The following HMGCS1 variants were observed in gnomAD, a reference collection of about 807,000 sequenced individuals.
The protein encoded by HMGCS1 is 3-hydroxy-3-methylglutaryl-CoA synthase 1.
In HMGCS1, 9 loss-of-function variants were observed where a neutral mutation model predicts 52.3. The ratio of observed to expected loss-of-function variants is 0.17; its 90% CI spans 0.10 to 0.30. HMGCS1 has a LOEUF of 0.30. Among genes scored for constraint, HMGCS1 ranks in the 10% least tolerant of loss-of-function variants. The pLI, the probability that HMGCS1 is intolerant of heterozygous loss-of-function variation, is 1.00. For missense variants in HMGCS1, 320 were observed against 620.9 expected (o/e 0.52, Z 5.15); for synonymous variants, 176 against 214.4 (o/e 0.82, Z 1.57).
At chr5:43,293,167 TTGAG>T (rs1753861733) in intron 8 of HMGCS1, among the ~76,000 whole-genome samples, 194 bp from the exon 9 acceptor site, 1 of 152,224 alleles carries the variant, frequency 6.6e-6, no homozygotes, top group Non-Finnish European at 1.5e-5. Context: ...AAATCTATTA[TTGAG>T]TATCTGCCAC....
chr5:43,305,802 T>C (rs1427118524), intron 2 of HMGCS1, among the ~76,000 whole-genome samples: 2 of 149,206 alleles, frequency 1.3e-5, no homozygotes, highest in African/African-American at 2.5e-5. Context: ...AAAAAAAAAT[T>C]TAAAAAATTT....
intron 1 of HMGCS1, among the ~76,000 whole-genome samples, chr5:43,308,809 CT>C (rs1561126799): frequency 1.3e-5 from 2 of 152,032 alleles, no homozygotes; most frequent in Admixed American, 6.6e-5. Flanking sequence ...TAAAGCTTTA[CT>C]TTTTTTACAT....
chr5:43,306,419 T>TGCCTCTG (rs1367414276), intron 2 of HMGCS1, among the ~76,000 whole-genome samples: 1 of 152,226 alleles, frequency 6.6e-6, no homozygotes, highest in Non-Finnish European at 1.5e-5. Flanking sequence ...AAGTGAGCTC[T>TGCCTCTG]GCCTCTGCTC....
chr5:43,310,961 GT>G (rs1329560363), intron 1 of HMGCS1, among the ~76,000 whole-genome samples: 2 of 152,190 alleles, frequency 1.3e-5, no homozygotes, highest in Admixed American at 1.3e-4. Context: ...CGCTACTGGT[GT>G]AACTACACCC....
chr5:43,298,910 A>C lies in HMGCS1; in HGVS notation c.56T>G (p.Ile19Ser), dbSNP rs1047641009. Reference protein sequence around the residue: ...AEACWPKDVGIVALEIYFPSQ... With the variant: ...AEACWPKDVGSVALEIYFPSQ... The stretch of plus-strand genomic sequence containing the variant: ...AGGAAAATAGATCTCAAGGGCAACA[A>C]TTCCCACATCTTTTGGCCAGCAAGC... The change falls in exon 3 of 11, where the codon ATT (isoleucine) becomes AGT (serine). Residue 19 changes from isoleucine to serine, a missense_variant. Physicochemically the swap from Ile to Ser is moderately radical, Grantham distance 142 (BLOSUM62 -2). This residue lies in a region of HMGCS1 where 22 missense variants were observed against 23.5 expected (regional missense o/e 0.94). Transcript: ENST00000325110. This position sits in a 1 kb window ranked among gnomAD's most constrained non-coding sequence, Gnocchi z 5.6. 2.5e-6 allele frequency: 4 copies of C among 1,614,130 alleles called. No homozygotes were observed.
intron 2 of HMGCS1, among the ~76,000 whole-genome samples, chr5:43,300,060 A>G (rs1231824421): frequency 2.0e-5 from 3 of 152,166 alleles, no homozygotes; most frequent in African/African-American, 7.2e-5. Flanking sequence ...CAGAGACCCA[A>G]AGTCCCACTG....
rs767337830 is a variant in HMGCS1 at position 43,297,218 on chromosome 5, G to A, written c.575-52C>T. 1.9e-5 allele frequency: 28 copies of A among 1,442,490 alleles called. No homozygotes were observed. In the South Asian group the frequency reaches 3.2e-4, roughly 17 times the overall value. 89.4% of individuals were successfully genotyped at this position (1,442,490 alleles called of 1,614,324 possible). A position where few individuals can be genotyped will look rare whatever the true frequency, so the allele number is the denominator to read the frequency against. ...TATATATTTCTGCTTCTTGATGTCT[G>A]TATGTTAATAAGTATACTGCATTAT... On this transcript the variant is annotated intron_variant, in intron 4 of 10. Transcript: ENST00000325110.
intron 2 of HMGCS1, among the ~76,000 whole-genome samples, chr5:43,301,955 T>C (rs1754340353): frequency 6.6e-6 from 1 of 152,226 alleles, no homozygotes; most frequent in African/African-American, 2.4e-5. Context: ...TCCACTTTGT[T>C]CTACTCCACT....
At position 43,292,509 on chromosome 5, in the gene HMGCS1, C is replaced by T. The variant is rs1397860513; in HGVS notation, c.1438G>A (p.Gly480Arg). The change falls in exon 10 of 11, where the codon GGA becomes AGA. Residue 480 changes from glycine (G) to arginine (R), a missense_variant. By Grantham distance (125) the Gly-to-Arg change is moderately radical. This residue lies in a region of HMGCS1 where 213 missense variants were observed against 337.4 expected (regional missense o/e 0.63). Coordinates refer to ENST00000325110, the MANE Select transcript of HMGCS1 (RefSeq NM_001098272.3). ...PTPNDDTLDEGVGLVHSNIAT... is the reference protein window; with the variant it reads ...PTPNDDTLDERVGLVHSNIAT... ...ATGTTTGAATGCACAAGTCCTACTC[C>T]TTCATCCAAAGTGTCATCATTTGGA... 6.2e-7 allele frequency: 1 copy of T among 1,613,838 alleles called. No individual in the cohort carries two copies. Among genetic ancestry groups the T allele is most frequent in the Non-Finnish European group, 8.5e-7 (1 of 1,179,904 alleles).
chr5:43,312,729 A>C (rs1025202340), intron 1 of HMGCS1, among the ~76,000 whole-genome samples: 6 of 152,168 alleles, frequency 3.9e-5, no homozygotes, highest in African/African-American at 1.2e-4. Flanking sequence ...GGCGGGAGGC[A>C]GTGATCTATG....
intron 2 of HMGCS1, among the ~76,000 whole-genome samples, chr5:43,301,764 G>A (rs1754329537): frequency 6.6e-6 from 1 of 152,192 alleles, no homozygotes; most frequent in Admixed American, 6.5e-5. Context: ...TTTACTACAT[G>A]TGGAGCGAAG....
At chr5:43,292,018 G>A (rs561907606) in intron 10 of HMGCS1, among the ~76,000 whole-genome samples, 1 of 110,502 alleles carries the variant, frequency 9.0e-6, no homozygotes, top group East Asian at 2.3e-4. Context: ...TTTTGAGATG[G>A]AATCTTGCTC....
In HMGCS1 at chr5:43,296,354, C is replaced by T. The variant is rs1754031925; in HGVS notation, c.740-437G>A. ...GGTCCTAATAAAAAAGTTAGAAAAC[C>T]ACTATTCTGTTAATATATACTGCAA... On this transcript the variant is annotated intron_variant, in intron 5 of 10. Coordinates refer to ENST00000325110, the MANE Select transcript of HMGCS1 (RefSeq NM_001098272.3). Among the ~76,000 whole-genome samples, 3 of 151,976 alleles carry T rather than the reference C, an allele frequency of 2.0e-5. No homozygotes were observed. The South Asian group carries it at 6.2e-4, about 31-fold the overall frequency.
Position 43,287,770 on chromosome 5 carries a change from C to T in HMGCS1, c.*3361G>A, listed in dbSNP as rs1753561473. 6.6e-6 allele frequency: 1 copy of T among 152,208 alleles called. No homozygotes were observed. The highest frequency in any genetic ancestry group is 2.1e-4 in the South Asian group (1 of 4,828). The allele number at this position is 152,208 out of a possible 1,614,324, so 9.4% of individuals were successfully genotyped here. A position where few individuals can be genotyped will look rare whatever the true frequency, so the allele number is the denominator to read the frequency against. On this transcript the variant is annotated 3_prime_UTR_variant, in exon 11 of 11. Coordinates refer to ENST00000325110, the MANE Select transcript of HMGCS1 (RefSeq NM_001098272.3). Reference sequence around the variant, plus strand: ...GTACCAAACAAGTTCTGCAGACATTCCACGTCAGGGAGGCTGAAGTGAAAG... The same window carrying T: ...GTACCAAACAAGTTCTGCAGACATTTCACGTCAGGGAGGCTGAAGTGAAAG...
Position 43,288,924 on chromosome 5 carries a change from G to T in HMGCS1, c.*2207C>A, listed in dbSNP as rs1753612499. 1 of 152,114 alleles carries T rather than the reference G, an allele frequency of 6.6e-6. No homozygotes were observed. 9.4% of individuals were successfully genotyped at this position (152,114 alleles called of 1,614,324 possible). A position where few individuals can be genotyped will look rare whatever the true frequency, so the allele number is the denominator to read the frequency against. On this transcript the variant is annotated 3_prime_UTR_variant, in exon 11 of 11. Coordinates refer to ENST00000325110, the MANE Select transcript of HMGCS1 (RefSeq NM_001098272.3). ...GGGATTCCTTCTATAAAACCCCTGG[G>T]GATCACTAGCAACATGGGACTTTTA...
At chr5:43,300,900 C>A (rs1754284641) in intron 2 of HMGCS1, among the ~76,000 whole-genome samples, 1 of 151,446 alleles carries the variant, frequency 6.6e-6, no homozygotes, top group Non-Finnish European at 1.5e-5. Context: ...CCAACCAATG[C>A]CAACATGTTA....
chr5:43,301,493 A>G (rs920240202), intron 2 of HMGCS1, among the ~76,000 whole-genome samples: 1 of 152,252 alleles, frequency 6.6e-6, no homozygotes, highest in Non-Finnish European at 1.5e-5. Context: ...AGAAAAGAAT[A>G]CAAGATATAA....
At chr5:43,306,767 G>A (rs1251893174) in intron 2 of HMGCS1, among the ~76,000 whole-genome samples, 1 of 152,092 alleles carries the variant, frequency 6.6e-6, no homozygotes, top group East Asian at 1.9e-4. Flanking sequence ...TATTATTTAG[G>A]CTTAGCCTCT....
intron 2 of HMGCS1, among the ~76,000 whole-genome samples, chr5:43,307,368 T>G (rs548487095): frequency 6.6e-6 from 1 of 152,158 alleles, no homozygotes; most frequent in Non-Finnish European, 1.5e-5. Context: ...CCACTGTGCC[T>G]GGCCCATTCT....
Sources: gnomAD v4.1 joint callset for allele counts (sites outside exome capture counted in the v4.1 genomes callset) on GRCh38, gnomAD v4.1.1 for gene constraint, gnomAD v4.1.1 regional missense constraint, Gnocchi (gnomAD v3.1) non-coding constraint, MANE v1.5 for transcripts, NCBI Gene and HGNC (gene_info 2026-07-23, HGNC 2026-07-21) for gene names.